The following BCR variants were observed in gnomAD, a reference collection of about 807,000 sequenced individuals.
The protein encoded by BCR is breakpoint cluster region protein.
BCR carries 58 observed loss-of-function variants against 138.6 expected under a neutral mutation model. The ratio of observed to expected loss-of-function variants is 0.42; its 90% CI spans 0.34 to 0.52. The LOEUF is 0.52. BCR is among the 20% of genes least tolerant of loss of function. The pLI, the probability that BCR is intolerant of heterozygous loss-of-function variation, is 0.06. For synonymous variants in BCR, 786 were observed against 730.1 expected (o/e 1.08, Z -1.23); for missense variants, 1,599 against 1,727.2 (o/e 0.93, Z 1.32).
intron 16 of BCR, among the ~76,000 whole-genome samples, chr22:23,305,804 C>T (rs574626982): frequency 2.1e-3 from 327 of 152,202 alleles, no homozygotes; most frequent in Non-Finnish European, 4.2e-3. Context: ...GCCCAGTCCC[C>T]GGCCAGGCAG....
Position 23,180,591 on chromosome 22 carries a change from C to CGGCGGCGGCGGCGGCG in BCR, c.-370_-369insGGCGGCGGCGGCGGCG, listed in dbSNP as rs1555958114. The CGGCGGCGGCGGCGGCG allele has an allele frequency of 3.6e-5, 1 of 27,624 alleles. No individual in the cohort carries two copies. Among genetic ancestry groups the CGGCGGCGGCGGCGGCG allele is most frequent in the Non-Finnish European group, 4.7e-5 (1 of 21,080 alleles). 1.7% of individuals were successfully genotyped at this position (27,624 alleles called of 1,614,324 possible). The stretch of plus-strand genomic sequence containing the variant: ...GAGGAGGCGGCGGCGGCGGCGGCGG[C>CGGCGGCGGCGGCGGCG]ACGGCGGCGGCGGGGCTGTGGGGCG... On this transcript the variant is annotated 5_prime_UTR_variant, in exon 1 of 23. Transcript: ENST00000305877.
intron 22 of BCR, among the ~76,000 whole-genome samples, chr22:23,314,921 G>A (rs887476389): frequency 1.3e-5 from 2 of 152,250 alleles, no homozygotes; most frequent in Non-Finnish European, 2.9e-5. Context: ...CACTTTGCTG[G>A]AAGCTTAAAA....
Position 23,181,123 on chromosome 22 carries a change from CG to C in BCR, c.164del (p.Arg55ProfsTer2). Reference sequence around the variant, plus strand: ...GCAGGAGGTGAACCAGGAGCGCTTCCGCATGATCTACCTGCAGACGTTGCTG... The same window carrying C: ...GCAGGAGGTGAACCAGGAGCGCTTCCCATGATCTACCTGCAGACGTTGCTG... ...LEQEVNQERFRMIYLQTLLAK... is the reference protein window; with the variant it reads ...LEQEVNQERFXMIYLQTLLAK... On this transcript the variant is annotated frameshift_variant, in exon 1 of 23. Coordinates refer to ENST00000305877, the MANE Select transcript of BCR (RefSeq NM_004327.4). LOFTEE classifies it high-confidence loss of function. The C allele has an allele frequency of 6.7e-7, 1 of 1,497,550 alleles. No individual in the cohort carries two copies. The highest frequency in any genetic ancestry group is 9.0e-7 in the Non-Finnish European group (1 of 1,115,364). The allele number at this position is 1,497,550 out of a possible 1,614,324, so 92.8% of individuals were successfully genotyped here.
chr22:23,236,391 T>C (rs1174112462), intron 1 of BCR, among the ~76,000 whole-genome samples: 1 of 152,204 alleles, frequency 6.6e-6, no homozygotes, highest in Non-Finnish European at 1.5e-5. Context: ...ATGAGACCTC[T>C]TTGGAAGGGG....
chr22:23,262,885 C>G (rs1398066840), intron 4 of BCR: 4 of 1,065,430 alleles, frequency 3.8e-6, no homozygotes, highest in Non-Finnish European at 4.5e-6. Context: ...GGCAGCGGGC[C>G]GGGGGCTGAG....
intron 1 of BCR, among the ~76,000 whole-genome samples, chr22:23,249,200 T>C (rs1215271333): frequency 6.6e-6 from 1 of 151,344 alleles, no homozygotes; most frequent in Non-Finnish European, 1.5e-5. Context: ...GAGGCCAAGG[T>C]GGGTGGATCA....
At chr22:23,186,093 G>C (rs1457790199) in intron 1 of BCR, among the ~76,000 whole-genome samples, 2 of 152,206 alleles carry the variant, frequency 1.3e-5, no homozygotes, top group Non-Finnish European at 2.9e-5. Flanking sequence ...AGGCACACAT[G>C]TATGTGCTCA....
At chr22:23,241,006 A>T (rs1482885726) in intron 1 of BCR, among the ~76,000 whole-genome samples, 1 of 152,170 alleles carries the variant, frequency 6.6e-6, no homozygotes, top group Admixed American at 6.5e-5. Context: ...CGTGTGTCAG[A>T]GTTTCCTTCC....
At chr22:23,274,478 A>T (rs1034399719) in intron 8 of BCR, among the ~76,000 whole-genome samples, 4 of 152,186 alleles carry the variant, frequency 2.6e-5, no homozygotes, top group African/African-American at 9.7e-5. Context: ...GCCAGTGTCC[A>T]GGGGGAACAG....
At chr22:23,186,464 A>G (rs1267671022) in intron 1 of BCR, among the ~76,000 whole-genome samples, 3 of 152,148 alleles carry the variant, frequency 2.0e-5, no homozygotes, top group Non-Finnish European at 2.9e-5. Flanking sequence ...CTACATTCAC[A>G]TTGTTGTACG....
intron 1 of BCR, among the ~76,000 whole-genome samples, chr22:23,191,940 A>G (rs917077400): frequency 1.3e-5 from 2 of 152,058 alleles, no homozygotes; most frequent in African/African-American, 4.8e-5. Flanking sequence ...ACCCTTAGAG[A>G]ACTTCCCGAA....
At position 23,202,719 on chromosome 22, in the gene BCR, G is replaced by GC. The variant is rs1382252365; in HGVS notation, c.1279+20480_1279+20481insC. Among the ~76,000 whole-genome samples the GC allele has an allele frequency of 9.4e-4, 125 of 132,958 alleles. 1 individual carries two copies. The East Asian group carries it at 0.025, about 27-fold the overall frequency. 87.2% of individuals were successfully genotyped at this position (132,958 alleles called of 152,430 possible). Reference sequence around the variant, plus strand: ...TTTAAGCTTGAGTAATAATTCAATTGTTTGTGTGTGTGTGTGTGTGTGTGT... The same window carrying GC: ...TTTAAGCTTGAGTAATAATTCAATTGCTTTGTGTGTGTGTGTGTGTGTGTGT... On this transcript the variant is annotated intron_variant, in intron 1 of 22. Transcript: ENST00000305877.
rs141440561 is a variant in BCR, at chr22:23,253,844, G to A, written c.1325G>A (p.Arg442Gln). The change falls in exon 2 of 23, where the codon CGG becomes CAG. Residue 442 changes from arginine (R) to glutamine (Q), a missense_variant. Around this residue, in one of 4 missense-constraint regions of BCR, gnomAD observed 590 missense variants for 762.4 expected, o/e 0.77. Coordinates refer to ENST00000305877, the MANE Select transcript of BCR (RefSeq NM_004327.4). ...CCTGGATACGGCTGCGCTGCAGACCGGGCAGAGGAGCAGCGCCGGCACCAA... is the reference window on the plus strand; with the variant it reads ...CCTGGATACGGCTGCGCTGCAGACCAGGCAGAGGAGCAGCGCCGGCACCAA... ...TPPGYGCAAD[R>Q]AEEQRRHQDG... 8.7e-5 allele frequency: 140 copies of A among 1,612,946 alleles called. No homozygotes were observed. The highest frequency in any genetic ancestry group is 2.0e-4 in the African/African-American group (15 of 74,906).
chr22:23,249,196 A>G (rs978499792), intron 1 of BCR, among the ~76,000 whole-genome samples: 17 of 151,836 alleles, frequency 1.1e-4, no homozygotes, highest in African/African-American at 3.1e-4. Context: ...TTGGGAGGCC[A>G]AGGTGGGTGG....
At chr22:23,244,544 C>T (rs1258967875) in intron 1 of BCR, among the ~76,000 whole-genome samples, 1 of 152,166 alleles carries the variant, frequency 6.6e-6, no homozygotes, top group Non-Finnish European at 1.5e-5. Context: ...CCGGTGCCAC[C>T]TGCCTCTCTC....
intron 1 of BCR, among the ~76,000 whole-genome samples, chr22:23,222,711 G>A (rs1314808011): frequency 1.3e-5 from 2 of 152,166 alleles, no homozygotes; most frequent in Non-Finnish European, 2.9e-5. Flanking sequence ...CTGTGAAGCT[G>A]AGTTCAAGAG....
At chr22:23,219,349 C>A (rs2072795508) in intron 1 of BCR, among the ~76,000 whole-genome samples, 1 of 152,176 alleles carries the variant, frequency 6.6e-6, no homozygotes, top group Non-Finnish European at 1.5e-5. Context: ...TGTTTTAGCA[C>A]AAAGCCTCCC....
chr22:23,256,380 C>T (rs563896458), intron 2 of BCR, among the ~76,000 whole-genome samples: 1 of 152,250 alleles, frequency 6.6e-6, no homozygotes, highest in South Asian at 2.1e-4. Context: ...AGGCCAGGCA[C>T]CCCCTTGCCC....
intron 1 of BCR, among the ~76,000 whole-genome samples, chr22:23,238,820 G>T (rs562731500): frequency 6.6e-6 from 1 of 152,028 alleles, no homozygotes. Flanking sequence ...CTCCAGGGCC[G>T]GTGGGAACAC....
Sources: allele counts gnomAD v4.1 joint callset (sites outside exome capture counted in the v4.1 genomes callset), GRCh38; gene constraint gnomAD v4.1.1; regional missense constraint gnomAD v4.1.1; transcripts MANE v1.5; gene names NCBI Gene and HGNC (gene_info 2026-07-23, HGNC 2026-07-21).